MED12L: variants seen among roughly 807,000 people sequenced by gnomAD.
The protein encoded by MED12L is mediator of RNA polymerase II transcription subunit 12-like protein.
In MED12L, 60 loss-of-function variants were observed where a neutral mutation model predicts 281.3. The ratio of observed to expected loss-of-function variants is 0.21; its 90% CI spans 0.17 to 0.26. The LOEUF (loss-of-function observed/expected upper bound fraction) is 0.26. MED12L is among the 10% of genes least tolerant of loss of function. The probability of loss-of-function intolerance (pLI) is 1.00; values close to 1 mark genes in which losing one functional copy is unlikely to be tolerated. For missense variants in MED12L, 2,146 were observed against 2,680.9 expected (o/e 0.80, Z 4.41); for synonymous variants, 974 against 987.2 (o/e 0.99, Z 0.25).
intron 5 of MED12L, among the ~76,000 whole-genome samples, chr3:151,136,557 A>G (rs746333862): frequency 3.3e-5 from 5 of 152,216 alleles, no homozygotes; most frequent in Non-Finnish European, 7.3e-5. Context: ...GGTAAAAACC[A>G]TTCTCCAATA....
intron 11 of MED12L, among the ~76,000 whole-genome samples, chr3:151,180,993 C>T (rs1181797865): frequency 2.0e-5 from 3 of 151,442 alleles, no homozygotes; most frequent in African/African-American, 7.3e-5. Flanking sequence ...TAAAAAAATT[C>T]TTTCCTAAAT....
At chr3:151,409,410 T>G (rs1716710127) in intron 40 of MED12L, 78 bp downstream of exon 40, 15 of 1,226,608 alleles carry the variant, frequency 1.2e-5, no homozygotes, top group Non-Finnish European at 1.7e-5. Context: ...GTAAATAGAA[T>G]ATATCAACTC....
intron 11 of MED12L, among the ~76,000 whole-genome samples, chr3:151,172,366 C>T (rs1459413041): frequency 6.6e-6 from 1 of 152,186 alleles, no homozygotes; most frequent in African/African-American, 2.4e-5. Flanking sequence ...TAAACACTAG[C>T]TGCTATTATT....
chr3:151,091,385 A>G (rs780865289), intron 2 of MED12L, among the ~76,000 whole-genome samples: 2 of 152,152 alleles, frequency 1.3e-5, no homozygotes, highest in South Asian at 4.2e-4. Flanking sequence ...GGTCTCTAAG[A>G]TTCAGTAGGT....
chr3:151,370,907 C>T (rs1756099324), intron 26 of MED12L, among the ~76,000 whole-genome samples: 1 of 152,178 alleles, frequency 6.6e-6, no homozygotes, highest in Admixed American at 6.5e-5. Flanking sequence ...AGAATTTGCC[C>T]ACCTCTTCAT....
chr3:151,227,279 T>A (rs1730708884), intron 16 of MED12L, among the ~76,000 whole-genome samples: 1 of 152,182 alleles, frequency 6.6e-6, no homozygotes, highest in African/African-American at 2.4e-5. Context: ...AACTTCCTCC[T>A]CCACCAAAGC....
chr3:151,104,504 G>A (rs962177638), intron 2 of MED12L, among the ~76,000 whole-genome samples: 4 of 152,130 alleles, frequency 2.6e-5, no homozygotes, highest in Non-Finnish European at 5.9e-5. Flanking sequence ...CAGAGCCTTA[G>A]TGAAGCTGCT....
chr3:151,190,992 TC>T, intron 14 of MED12L, 61 bp downstream of exon 14: 1 of 1,441,752 alleles, frequency 6.9e-7, no homozygotes, highest in Non-Finnish European at 9.7e-7. Context: ...GGAACCATGT[TC>T]AAATGGGTCA....
intron 35 of MED12L, 118 bp from the exon 36 acceptor site, chr3:151,384,912 A>G (rs1033374676): frequency 2.4e-5 from 17 of 704,728 alleles, no homozygotes; most frequent in Non-Finnish European, 3.6e-5. Flanking sequence ...GTTAAAGAAC[A>G]TGCGCTAAGC....
rs1433896802 is a variant in MED12L, at chr3:151,434,478, A to G, written c.*1674A>G. 1.3e-5 allele frequency: 2 copies of G among 152,082 alleles called. No individual in the cohort carries two copies. The highest frequency in any genetic ancestry group is 2.9e-5 in the Non-Finnish European group (2 of 68,030). 9.4% of individuals were successfully genotyped at this position (152,082 alleles called of 1,614,324 possible). A position where few individuals can be genotyped will look rare whatever the true frequency, so the allele number is the denominator to read the frequency against. On this transcript the variant is annotated 3_prime_UTR_variant, in exon 45 of 45. Coordinates refer to ENST00000687756, the MANE Select transcript of MED12L (RefSeq NM_001393769.1). Reference sequence around the variant, plus strand: ...TGGAAAAGACTTTGCCAAAACATTAAAAACTATTCTTTTCACTAAATTAAT... The same window carrying G: ...TGGAAAAGACTTTGCCAAAACATTAGAAACTATTCTTTTCACTAAATTAAT...
At chr3:151,408,776 T>G (rs772691698) in intron 39 of MED12L, among the ~76,000 whole-genome samples, 5 of 152,390 alleles carry the variant, frequency 3.3e-5, no homozygotes, top group Non-Finnish European at 7.3e-5. Context: ...TCCTTGAATA[T>G]CTGGCTAAAT....
chr3:151,222,846 A>T (rs1353988032), intron 16 of MED12L, among the ~76,000 whole-genome samples: 1 of 152,130 alleles, frequency 6.6e-6, no homozygotes, highest in Non-Finnish European at 1.5e-5. Flanking sequence ...TGTAGTCGGG[A>T]CTTTAGACAA....
At chr3:151,228,423 A>G (rs2149308698) in intron 16 of MED12L, among the ~76,000 whole-genome samples, 1 of 152,268 alleles carries the variant, frequency 6.6e-6, no homozygotes, top group African/African-American at 2.4e-5. Context: ...GACTCAGCTG[A>G]TAACAGAATA....
chr3:151,265,067 G>A (rs531361767), intron 16 of MED12L, among the ~76,000 whole-genome samples: 2 of 152,118 alleles, frequency 1.3e-5, no homozygotes, highest in South Asian at 2.1e-4. Context: ...TCCAGAACTC[G>A]CCATTATGTC....
At chr3:151,126,017 A>T (rs1260393797) in intron 4 of MED12L, among the ~76,000 whole-genome samples, 1 of 150,924 alleles carries the variant, frequency 6.6e-6, no homozygotes, top group Non-Finnish European at 1.5e-5. Context: ...TCAATTGCCC[A>T]TAAAATATGT....
At chr3:151,278,671 G>C (rs747164160) in intron 16 of MED12L, among the ~76,000 whole-genome samples, 1 of 152,060 alleles carries the variant, frequency 6.6e-6, no homozygotes, top group Non-Finnish European at 1.5e-5. Context: ...TCTAACCTTT[G>C]CCATTGTCAA....
intron 1 of MED12L, chr3:151,086,276 C>T (rs1450747388): frequency 6.6e-6 from 1 of 152,290 alleles, no homozygotes; most frequent in Admixed American, 6.5e-5. Context: ...CCCTGCGTCT[C>T]GCGCCCCCTC....
chr3:151,428,317 A>C (rs1299901876), intron 43 of MED12L, among the ~76,000 whole-genome samples: 1 of 152,264 alleles, frequency 6.6e-6, no homozygotes, highest in Non-Finnish European at 1.5e-5. Context: ...TGAATAGAAA[A>C]GAATACTAAC....
intron 10 of MED12L, 58 bp from the exon 11 acceptor site, chr3:151,165,788 G>T: frequency 6.5e-7 from 1 of 1,547,606 alleles, no homozygotes; most frequent in Non-Finnish European, 8.9e-7. Context: ...ATTTTGTACT[G>T]TGTTATAACT....
Sources: allele counts gnomAD v4.1 joint callset (sites outside exome capture counted in the v4.1 genomes callset), GRCh38; gene constraint gnomAD v4.1.1; transcripts MANE v1.5; gene names NCBI Gene and HGNC (gene_info 2026-07-23, HGNC 2026-07-21).